Variants in EDIL3 observed in about 807,000 individuals in gnomAD.
The protein encoded by EDIL3 is EGF-like repeat and discoidin I-like domain-containing protein 3.
A neutral mutation model predicts 67.4 loss-of-function variants in EDIL3; 37 were observed. The observed-to-expected ratio is 0.55, with a 90% CI of 0.42 to 0.72. The LOEUF is 0.72. Ranked by LOEUF, EDIL3 falls within the 30% of genes least tolerant of loss-of-function variation. The pLI is 0.00. For missense variants in EDIL3, 527 were observed against 586.3 expected (o/e 0.90, Z 1.04); for synonymous variants, 195 against 196.3 (o/e 0.99, Z 0.05).
intron 9 of EDIL3, among the ~76,000 whole-genome samples, chr5:84,024,823 C>T (rs752861225): frequency 6.6e-6 from 1 of 151,196 alleles, no homozygotes; most frequent in Non-Finnish European, 1.5e-5. Flanking sequence ...CACTCTATTA[C>T]CTTTTGAGTA....
At chr5:84,058,132 A>G (rs73769709) in intron 9 of EDIL3, among the ~76,000 whole-genome samples, 2,122 of 152,222 alleles carry the variant, frequency 0.014, 56 homozygotes, top group African/African-American at 0.049. Flanking sequence ...TTCATTTCTT[A>G]TAGCAAGAGG....
chr5:84,126,189 T>C (rs1051388823), intron 5 of EDIL3, among the ~76,000 whole-genome samples: 1 of 152,060 alleles, frequency 6.6e-6, no homozygotes, highest in African/African-American at 2.4e-5. Flanking sequence ...TTTTTATACA[T>C]GGAGCTAGAG....
chr5:84,050,852 A>C (rs930629056), intron 9 of EDIL3, among the ~76,000 whole-genome samples: 1 of 152,220 alleles, frequency 6.6e-6, no homozygotes, highest in Non-Finnish European at 1.5e-5. Flanking sequence ...CAGCTCAAGG[A>C]GGCCTGCCTG....
chr5:84,379,395 T>C (rs1748031881), intron 1 of EDIL3, among the ~76,000 whole-genome samples: 1 of 152,178 alleles, frequency 6.6e-6, no homozygotes, highest in Non-Finnish European at 1.5e-5. Context: ...ACTTGTTTTA[T>C]GTAGAATCTT....
chr5:84,303,808 C>CTCTGTG (rs1445734359), intron 1 of EDIL3, among the ~76,000 whole-genome samples: 6 of 135,356 alleles, frequency 4.4e-5, no homozygotes, highest in East Asian at 2.1e-4. Context: ...CTCTCTCTCT[C>CTCTGTG]TGTGTGTGTG....
intron 1 of EDIL3, among the ~76,000 whole-genome samples, chr5:84,278,019 G>A (rs1328772056): frequency 1.3e-5 from 2 of 152,118 alleles, no homozygotes; most frequent in African/African-American, 4.8e-5. Flanking sequence ...ATAACTCAAA[G>A]TGGTTATGTA....
chr5:84,117,097 G>A (rs1241595339), intron 5 of EDIL3, among the ~76,000 whole-genome samples: 1 of 126,726 alleles, frequency 7.9e-6, no homozygotes, highest in Non-Finnish European at 1.5e-5. Context: ...GCGCAATCTC[G>A]GCTCACTGCA....
chr5:84,035,457 A>G (rs56766716), intron 9 of EDIL3, among the ~76,000 whole-genome samples: 2,515 of 152,254 alleles, frequency 0.017, 76 homozygotes, highest in African/African-American at 0.058. Flanking sequence ...TTAAAATTAG[A>G]TTCATTTAAT....
chr5:84,082,321 AG>A (rs142064427), intron 6 of EDIL3, among the ~76,000 whole-genome samples: 15 of 152,352 alleles, frequency 9.8e-5, no homozygotes, highest in Non-Finnish European at 1.9e-4. Flanking sequence ...AAAAGTTAAA[AG>A]GTACTTCTGG....
In EDIL3 at chr5:84,136,458, T is replaced by C. The variant is rs78316653; in HGVS notation, c.469+783A>G. ...ATCCCATTGACTTTAGTCCTGTTAC[T>C]ACTTTTTTCCCAGCTTTTTTTTTCT... On this transcript the variant is annotated intron_variant, in intron 5 of 10. Coordinates refer to ENST00000296591, the MANE Select transcript of EDIL3 (RefSeq NM_005711.5). Among the ~76,000 whole-genome samples, 69 of 152,314 alleles carry C rather than the reference T, an allele frequency of 4.5e-4. No individual in the cohort carries two copies. The East Asian group carries it at 0.013, about 28-fold the overall frequency.
chr5:84,376,267 A>G (rs1747965691), intron 1 of EDIL3, among the ~76,000 whole-genome samples: 2 of 152,204 alleles, frequency 1.3e-5, no homozygotes, highest in African/African-American at 4.8e-5. Context: ...ATTAGAAAGA[A>G]TGTACCTTGT....
chr5:84,066,393 A>T, intron 7 of EDIL3, 58 bp downstream of exon 7: 2 of 1,508,362 alleles, frequency 1.3e-6, no homozygotes, highest in Non-Finnish European at 1.8e-6. Context: ...GTCATTTGAT[A>T]ATCAATAATT....
intron 9 of EDIL3, among the ~76,000 whole-genome samples, chr5:83,987,731 C>T (rs2112155666): frequency 6.6e-6 from 1 of 152,122 alleles, no homozygotes; most frequent in Admixed American, 6.5e-5. Context: ...GTGTCCAAAC[C>T]TCTGTATCTT....
chr5:84,306,542 A>G (rs547045965), intron 1 of EDIL3, among the ~76,000 whole-genome samples: 1 of 152,254 alleles, frequency 6.6e-6, no homozygotes, highest in East Asian at 1.9e-4. Context: ...ATTAACTACC[A>G]CTGTTTCTTG....
intron 9 of EDIL3, among the ~76,000 whole-genome samples, chr5:84,015,408 T>C (rs1478465581): frequency 2.0e-5 from 3 of 152,218 alleles, no homozygotes; most frequent in African/African-American, 7.2e-5. Flanking sequence ...AATTTCATTC[T>C]GCAATTTATT....
At chr5:84,346,448 A>G (rs1376853423) in intron 1 of EDIL3, among the ~76,000 whole-genome samples, 4 of 152,146 alleles carry the variant, frequency 2.6e-5, no homozygotes, top group Non-Finnish European at 5.9e-5. Context: ...CAGATCCTAG[A>G]GTCACAGCTG....
At chr5:84,332,638 T>C (rs1373169747) in intron 1 of EDIL3, among the ~76,000 whole-genome samples, 1 of 152,254 alleles carries the variant, frequency 6.6e-6, no homozygotes, top group African/African-American at 2.4e-5. Context: ...GCAAGTCTGG[T>C]TGTATTAGCA....
chr5:84,274,794 G>C (rs73769790), intron 1 of EDIL3, among the ~76,000 whole-genome samples: 2 of 150,450 alleles, frequency 1.3e-5, no homozygotes, highest in Admixed American at 6.6e-5. Flanking sequence ...GACACACACA[G>C]ACACACACAC....
At chr5:84,057,513 T>C (rs1746470794) in intron 9 of EDIL3, among the ~76,000 whole-genome samples, 1 of 152,084 alleles carries the variant, frequency 6.6e-6, no homozygotes, top group Non-Finnish European at 1.5e-5. Flanking sequence ...TATACAGCAA[T>C]GAAAAATTTT....
Sources: allele counts gnomAD v4.1 joint callset (sites outside exome capture counted in the v4.1 genomes callset), GRCh38; gene constraint gnomAD v4.1.1; transcripts MANE v1.5; gene names NCBI Gene and HGNC (gene_info 2026-07-23, HGNC 2026-07-21).